BIRC6: variants seen among roughly 807,000 people sequenced by gnomAD.
The protein encoded by BIRC6 is baculoviral IAP repeat containing 6, also known as dual E2 ubiquitin-conjugating enzyme/E3 ubiquitin-protein ligase BIRC6.
In BIRC6, 98 loss-of-function variants were observed where a neutral mutation model predicts 503.3. The ratio of observed to expected loss-of-function variants is 0.19; its 90% CI spans 0.17 to 0.23. BIRC6 has a LOEUF of 0.23. Ranked by LOEUF, BIRC6 falls within the 10% of genes least tolerant of loss-of-function variation. The probability of loss-of-function intolerance (pLI) is 1.00; values close to 1 mark genes in which losing one functional copy is unlikely to be tolerated. For missense variants in BIRC6, 5,360 were observed against 5,806.0 expected, an observed-to-expected ratio of 0.92 and a Z score of 2.50; for synonymous variants, 2,240 against 2,078.7, an observed-to-expected ratio of 1.08 and a Z score of -2.11.
In BIRC6 at chr2:32,470,211, A is replaced by C; in HGVS notation, c.6391A>C (p.Asn2131His). 1 of 1,572,182 alleles carries C rather than the reference A, an allele frequency of 6.4e-7. No homozygotes were observed. The highest frequency in any genetic ancestry group is 8.6e-7 in the Non-Finnish European group (1 of 1,157,026). The change falls in exon 31 of 74, where the codon AAT (asparagine) becomes CAT (histidine). Residue 2131 changes from asparagine (N) to histidine (H), a missense_variant. Asn to His is a moderately conservative substitution (Grantham distance 68, BLOSUM62 1). Around this residue, in one of 16 missense-constraint regions of BIRC6, gnomAD observed 2,299 missense variants for 2,267.2 expected, o/e 1.01. Coordinates refer to ENST00000421745, the MANE Select transcript of BIRC6 (RefSeq NM_016252.4). ...LSCIGQRSLS[N>H]SGVLESLLNL... The stretch of plus-strand genomic sequence containing the variant: ...CTGCATTGGTCAAAGATCACTTAGT[A>C]ATAGTGGAGTATTAGAAAGCTTACT...
intron 57 of BIRC6, among the ~76,000 whole-genome samples, chr2:32,524,558 C>A (rs997041308): frequency 1.3e-5 from 2 of 152,158 alleles, no homozygotes; most frequent in African/African-American, 2.4e-5. Flanking sequence ...AGTTGCCAAG[C>A]ACATTGAACT....
intron 73 of BIRC6, among the ~76,000 whole-genome samples, chr2:32,612,687 G>T (rs149910809): frequency 6.6e-6 from 1 of 152,214 alleles, no homozygotes; most frequent in Non-Finnish European, 1.5e-5. Context: ...AGGGGAAAGT[G>T]TGGGAATATA....
At chr2:32,505,420 A>G in intron 50 of BIRC6, 1 of 516,582 alleles carries the variant, frequency 1.9e-6, no homozygotes. Context: ...TGAAGTCTAA[A>G]CAAATATGTT....
chr2:32,380,546 G>T (rs2037469210), intron 3 of BIRC6, among the ~76,000 whole-genome samples: 1 of 152,048 alleles, frequency 6.6e-6, no homozygotes. Flanking sequence ...GGCCAACATG[G>T]CGAAACCCCA....
At chr2:32,539,725 G>A (rs974764040) in intron 61 of BIRC6, among the ~76,000 whole-genome samples, 2 of 152,072 alleles carry the variant, frequency 1.3e-5, no homozygotes, top group South Asian at 2.1e-4. Flanking sequence ...TATCAGTGGT[G>A]TACACTGCCA....
chr2:32,436,886 CTTTTTTTT>C (rs35067044), intron 15 of BIRC6, among the ~76,000 whole-genome samples: 3 of 90,078 alleles, frequency 3.3e-5, no homozygotes, highest in East Asian at 3.3e-4. Context: ...TTTGTTTTTT[CTTTTTTTT>C]TTTTTTTTTT....
intron 61 of BIRC6, among the ~76,000 whole-genome samples, chr2:32,531,898 T>C (rs1322299346): frequency 6.6e-6 from 1 of 152,224 alleles, no homozygotes; most frequent in African/African-American, 2.4e-5. Context: ...TAGCAGTGTA[T>C]ACTGCCACCA....
intron 37 of BIRC6, among the ~76,000 whole-genome samples, chr2:32,480,343 A>T (rs2050244244): frequency 6.6e-6 from 1 of 152,110 alleles, no homozygotes; most frequent in African/African-American, 2.4e-5. Flanking sequence ...ATCATGTTGT[A>T]GTCAGTTTTA....
intron 1 of BIRC6, among the ~76,000 whole-genome samples, chr2:32,375,599 T>C (rs2149337572): frequency 6.6e-6 from 1 of 152,258 alleles, no homozygotes; most frequent in African/African-American, 2.4e-5. Context: ...AAAAGCCAAA[T>C]TGCTTGATAC....
intron 57 of BIRC6, among the ~76,000 whole-genome samples, chr2:32,524,561 A>G (rs1329031600): frequency 2.0e-5 from 3 of 152,198 alleles, no homozygotes; most frequent in South Asian, 2.1e-4. Context: ...TGCCAAGCAC[A>G]TTGAACTATG....
chr2:32,389,794 T>G (rs1406486246), intron 4 of BIRC6, among the ~76,000 whole-genome samples: 1 of 152,132 alleles, frequency 6.6e-6, no homozygotes, highest in African/African-American at 2.4e-5. Flanking sequence ...CCTCCCAGAT[T>G]CAAGAGATTC....
At chr2:32,423,895 C>T (rs1408709618) in intron 10 of BIRC6, among the ~76,000 whole-genome samples, 3 of 152,178 alleles carry the variant, frequency 2.0e-5, no homozygotes, top group African/African-American at 7.2e-5. Context: ...CTGTTAGTCA[C>T]TTAGTAGCTG....
At chr2:32,613,423 C>T (rs2063018003) in intron 73 of BIRC6, among the ~76,000 whole-genome samples, 1 of 151,910 alleles carries the variant, frequency 6.6e-6, no homozygotes, top group Non-Finnish European at 1.5e-5. Context: ...CTCTGTTGCT[C>T]AGCCTGGAGT....
At chr2:32,540,225 A>G (rs1006690667) in intron 61 of BIRC6, among the ~76,000 whole-genome samples, 2 of 152,042 alleles carry the variant, frequency 1.3e-5, no homozygotes, top group African/African-American at 4.8e-5. Context: ...ATTTAAACTG[A>G]AACTCATTTT....
chr2:32,504,386 G>T (rs1036694420), intron 49 of BIRC6, among the ~76,000 whole-genome samples: 1 of 151,936 alleles, frequency 6.6e-6, no homozygotes, highest in African/African-American at 2.4e-5. Flanking sequence ...AAGAGTTTGA[G>T]GCTGGGCGCG....
At chr2:32,373,309 T>A (rs1470505390) in intron 1 of BIRC6, among the ~76,000 whole-genome samples, 3 of 151,904 alleles carry the variant, frequency 2.0e-5, no homozygotes, top group Non-Finnish European at 4.4e-5. Context: ...AAGAACAGAG[T>A]TGGAAGATTA....
Position 32,508,276 on chromosome 2 carries a change from C to CTTTTTTTTTTTTTTTTT in BIRC6, c.9980+28_9980+44dup, listed in dbSNP as rs10528992. The CTTTTTTTTTTTTTTTTT allele has an allele frequency of 6.5e-5, 56 of 864,858 alleles. 3 individuals are homozygous for CTTTTTTTTTTTTTTTTT. The African/African-American group carries it at 9.5e-4, about 15-fold the overall frequency. The allele number at this position is 864,858 out of a possible 1,614,324, so 53.6% of individuals were successfully genotyped here. On this transcript the variant is annotated intron_variant, in intron 51 of 73. Transcript: ENST00000421745. ...CAAAACAAGGTATGTTTTGTTTGTC[C>CTTTTTTTTTTTTTTTTT]TTTTTTTTTTTTTTTTTTTTTTTTT...
chr2:32,573,486 G>A (rs557283800), intron 65 of BIRC6, among the ~76,000 whole-genome samples: 3 of 152,262 alleles, frequency 2.0e-5, no homozygotes, highest in South Asian at 2.1e-4. Flanking sequence ...GTGAGTCACC[G>A]CGCCCTGCCA....
intron 9 of BIRC6, among the ~76,000 whole-genome samples, chr2:32,408,720 A>G (rs572828251): frequency 6.6e-6 from 1 of 152,310 alleles, no homozygotes; most frequent in East Asian, 1.9e-4. Context: ...TTTAGCTAAT[A>G]GTGTCTTGAA....
Sources: gnomAD v4.1 joint callset for allele counts (sites outside exome capture counted in the v4.1 genomes callset) on GRCh38, gnomAD v4.1.1 for gene constraint, gnomAD v4.1.1 regional missense constraint, MANE v1.5 for transcripts, NCBI Gene and HGNC (gene_info 2026-07-23, HGNC 2026-07-21) for gene names.